Variants in MEI4 observed in about 807,000 individuals in gnomAD.
MEI4 encodes the protein meiosis-specific protein MEI4.
In MEI4, 27 loss-of-function variants were observed where a neutral mutation model predicts 31.4. The ratio of observed to expected loss-of-function variants is 0.86; its 90% confidence interval spans 0.63 to 1.19. The LOEUF (loss-of-function observed/expected upper bound fraction) is 1.19. Among genes scored for constraint, MEI4 ranks in the 50% most tolerant of loss-of-function variants. The pLI, the probability that MEI4 is intolerant of heterozygous loss-of-function variation, is 0.00. For synonymous variants in MEI4, 122 were observed against 145.4 expected (o/e 0.84, Z 1.16); for missense variants, 329 against 398.9 (o/e 0.82, Z 1.49).
intron 3 of MEI4, among the ~76,000 whole-genome samples, chr6:77,787,905 T>A (rs1363799623): frequency 1.3e-5 from 2 of 152,172 alleles, no homozygotes; most frequent in African/African-American, 2.4e-5. Context: ...TTGGATTTGG[T>A]TTGCCAATAT....
At chr6:77,814,191 G>T (rs1008818095) in intron 3 of MEI4, among the ~76,000 whole-genome samples, 2 of 152,080 alleles carry the variant, frequency 1.3e-5, no homozygotes, top group Non-Finnish European at 2.9e-5. Flanking sequence ...TTGATATAGG[G>T]TTTCGGCTTA....
chr6:77,907,713 C>G (rs941865045), intron 4 of MEI4, among the ~76,000 whole-genome samples: 12 of 151,938 alleles, frequency 7.9e-5, no homozygotes, highest in African/African-American at 2.9e-4. Flanking sequence ...GAATCTAGAA[C>G]TGACTTCCAC....
rs9361284 is a variant in MEI4 at position 77,790,592 on chromosome 6, T to C, written c.768+28927T>C. ...AAACTAAAAATTAACAAAATACATATTGAAAACTTCCCAAATCTTGGGAGA... is the reference window on the plus strand; with the variant it reads ...AAACTAAAAATTAACAAAATACATACTGAAAACTTCCCAAATCTTGGGAGA... On this transcript the variant is annotated intron_variant, in intron 3 of 4. Coordinates refer to ENST00000684080, the MANE Select transcript of MEI4 (RefSeq NM_001322247.2). 1.4e-3 allele frequency among the ~76,000 whole-genome samples: 215 copies of C among 151,906 alleles called. 1 individual carries two copies. Among genetic ancestry groups the C allele is most frequent in the African/African-American group, 4.5e-3 (188 of 41,416 alleles).
chr6:77,909,701 C>T (rs1766386944), intron 4 of MEI4, among the ~76,000 whole-genome samples: 1 of 152,174 alleles, frequency 6.6e-6, no homozygotes, highest in African/African-American at 2.4e-5. Flanking sequence ...CTCCCTAACT[C>T]ATTTCATGAG....
At chr6:77,746,269 T>C (rs1767599985) in intron 2 of MEI4, among the ~76,000 whole-genome samples, 1 of 151,770 alleles carries the variant, frequency 6.6e-6, no homozygotes, top group Admixed American at 6.6e-5. Context: ...AATAGACACA[T>C]TCTGTGTGTC....
rs141351996 is a variant in MEI4, at chr6:77,925,785, TGA to T, written c.*2443_*2444del. The T allele has an allele frequency of 6.5e-3, 960 of 148,254 alleles. 13 individuals carry two copies. Among genetic ancestry groups the T allele is most frequent in the African/African-American group, 0.022 (906 of 40,870 alleles). 9.2% of individuals were successfully genotyped at this position (148,254 alleles called of 1,614,324 possible). A position where few individuals can be genotyped will look rare whatever the true frequency, so the allele number is the denominator to read the frequency against. The stretch of plus-strand genomic sequence containing the variant: ...TAAATATATGATAATATATTTTATA[TGA>T]GAGTAAATATATATTAAATATTTTA... On this transcript the variant is annotated 3_prime_UTR_variant, in exon 5 of 5. Transcript: ENST00000684080.
At chr6:77,803,635 T>A (rs1769340288) in intron 3 of MEI4, among the ~76,000 whole-genome samples, 1 of 152,214 alleles carries the variant, frequency 6.6e-6, no homozygotes, top group African/African-American at 2.4e-5. Flanking sequence ...GATGGTGACG[T>A]ACAGATGGTG....
intron 3 of MEI4, among the ~76,000 whole-genome samples, chr6:77,827,360 T>C (rs61604231): frequency 1.3e-3 from 86 of 67,770 alleles, no homozygotes; most frequent in African/African-American, 5.1e-3. Flanking sequence ...GACTCCATCT[T>C]AAAAAAAAAA....
intron 4 of MEI4, among the ~76,000 whole-genome samples, chr6:77,913,762 C>T (rs1385087116): frequency 2.7e-5 from 4 of 150,496 alleles, no homozygotes; most frequent in South Asian, 2.1e-4. Context: ...AGCCCGGGCA[C>T]GGTGGCTCAC....
At chr6:77,773,972 TA>T (rs1400365760) in intron 3 of MEI4, among the ~76,000 whole-genome samples, 1 of 152,064 alleles carries the variant, frequency 6.6e-6, no homozygotes, top group Non-Finnish European at 1.5e-5. Flanking sequence ...GATGTAATCT[TA>T]CCCCAATTAA....
chr6:77,713,018 C>T (rs971766601), intron 2 of MEI4, among the ~76,000 whole-genome samples: 16 of 151,116 alleles, frequency 1.1e-4, no homozygotes, highest in East Asian at 1.9e-4. Context: ...TTAGGGTTGC[C>T]GAAGATGAAT....
intron 4 of MEI4, among the ~76,000 whole-genome samples, chr6:77,905,475 C>CTTTTTTTTTTTTTT (rs70974691): frequency 4.3e-5 from 4 of 93,344 alleles, no homozygotes; most frequent in Non-Finnish European, 8.4e-5. Flanking sequence ...AAATTTTCAG[C>CTTTTTTTTTTTTTT]TTTTTTTTTT....
intron 2 of MEI4, among the ~76,000 whole-genome samples, chr6:77,743,451 T>C (rs1326479865): frequency 6.6e-6 from 1 of 152,172 alleles, no homozygotes; most frequent in East Asian, 1.9e-4. Flanking sequence ...AGAATGCTTG[T>C]GATTTTTGTA....
At chr6:77,862,161 T>A (rs998799801) in intron 4 of MEI4, among the ~76,000 whole-genome samples, 1 of 151,892 alleles carries the variant, frequency 6.6e-6, no homozygotes, top group Admixed American at 6.6e-5. Context: ...GACAGGTGAT[T>A]TCTGCATTTC....
At chr6:77,776,453 A>C (rs766810538) in intron 3 of MEI4, among the ~76,000 whole-genome samples, 9 of 152,104 alleles carry the variant, frequency 5.9e-5, no homozygotes, top group Admixed American at 1.3e-4. Flanking sequence ...GGTGCATTTC[A>C]GTCCGGTGAG....
intron 2 of MEI4, among the ~76,000 whole-genome samples, chr6:77,710,184 C>G (rs575181198): frequency 6.6e-6 from 1 of 152,226 alleles, no homozygotes; most frequent in African/African-American, 2.4e-5. Context: ...CCATATGAAT[C>G]CAGGCCTTTT....
At chr6:77,743,585 G>A (rs937724607) in intron 2 of MEI4, among the ~76,000 whole-genome samples, 8 of 152,158 alleles carry the variant, frequency 5.3e-5, no homozygotes, top group Non-Finnish European at 5.9e-5. Context: ...TTACTTAAAT[G>A]TCCCTGTCTG....
chr6:77,705,380 C>T (rs1285390710), intron 2 of MEI4, among the ~76,000 whole-genome samples: 1 of 152,172 alleles, frequency 6.6e-6, no homozygotes, highest in African/African-American at 2.4e-5. Flanking sequence ...TGAATGCTAA[C>T]ATGTTGTAGG....
At chr6:77,850,060 A>G (rs1562011489) in intron 4 of MEI4, among the ~76,000 whole-genome samples, 1 of 152,124 alleles carries the variant, frequency 6.6e-6, no homozygotes, top group Non-Finnish European at 1.5e-5. Context: ...TGTATATTCT[A>G]TTTCATTTGT....
Sources: gnomAD v4.1 joint callset for allele counts (sites outside exome capture counted in the v4.1 genomes callset) on GRCh38, gnomAD v4.1.1 for gene constraint, MANE v1.5 for transcripts, NCBI Gene and HGNC (gene_info 2026-07-23, HGNC 2026-07-21) for gene names.